The following RBPJ variants were observed in gnomAD, a reference collection of about 807,000 sequenced individuals.
RBPJ encodes recombining binding protein suppressor of hairless.
In RBPJ, 9 loss-of-function variants were observed where a neutral mutation model predicts 67.8. The observed-to-expected ratio is 0.13, with a 90% CI of 0.08 to 0.23. The LOEUF (loss-of-function observed/expected upper bound fraction) is 0.23, where lower values mean the gene tolerates loss of function less well. Among genes scored for constraint, RBPJ ranks in the 10% least tolerant of loss-of-function variants. The probability of loss-of-function intolerance (pLI) is 1.00; values close to 1 mark genes in which losing one functional copy is unlikely to be tolerated. For missense variants in RBPJ, 305 were observed against 595.6 expected (o/e 0.51, Z 5.08); for synonymous variants, 198 against 203.3 (o/e 0.97, Z 0.22).
At chr4:26,410,293 G>C (rs1216213205) in intron 3 of RBPJ, 1 of 161,350 alleles carries the variant, frequency 6.2e-6, no homozygotes, top group African/African-American at 2.4e-5. Context: ...AATAACTCCA[G>C]TGAGTGATGC....
chr4:26,365,470 C>A (rs1728529088), intron 1 of RBPJ, among the ~76,000 whole-genome samples: 1 of 152,160 alleles, frequency 6.6e-6, no homozygotes, highest in African/African-American at 2.4e-5. Context: ...GAAATAAATT[C>A]AGTGGGTTAT....
chr4:26,258,464 G>A (rs959452801), intron 1 of RBPJ, among the ~76,000 whole-genome samples: 1 of 152,176 alleles, frequency 6.6e-6, no homozygotes, highest in Non-Finnish European at 1.5e-5. Flanking sequence ...CCATCTCAAA[G>A]TTTACAGATG....
the RBPJ span, among the ~76,000 whole-genome samples, chr4:26,149,389 G>A: frequency 9.2e-5 from 14 of 152,276 alleles, no homozygotes; most frequent in African/African-American, 3.4e-4. Flanking sequence ...ACTTGGCAAA[G>A]GTTACTATCA....
chr4:26,137,056 G>A, the RBPJ span, among the ~76,000 whole-genome samples: 1 of 152,236 alleles, frequency 6.6e-6, no homozygotes, highest in Non-Finnish European at 1.5e-5. Flanking sequence ...AGTGGAAGAA[G>A]TGCCCCTGCC....
At chr4:26,275,403 T>C (rs1721045454) in intron 1 of RBPJ, among the ~76,000 whole-genome samples, 1 of 152,128 alleles carries the variant, frequency 6.6e-6, no homozygotes, top group African/African-American at 2.4e-5. Context: ...AGGGAGGACC[T>C]AGCATGCTAT....
At chr4:26,159,923 C>CTCT (rs1553843606), upstream of RBPJ, among the ~76,000 whole-genome samples, 141 of 141,268 alleles carry the variant, frequency 1.0e-3, 1 homozygote, top group Middle Eastern at 0.011. Flanking sequence ...CTCTCTCTCT[C>CTCT]TTTTTTTTTT....
intron 1 of RBPJ, among the ~76,000 whole-genome samples, chr4:26,323,685 A>T (rs532128845): frequency 1.6e-4 from 25 of 152,306 alleles, no homozygotes; most frequent in African/African-American, 6.0e-4. Flanking sequence ...TTAAAAAGTT[A>T]TCTGTTGTCC....
chr4:26,232,544 T>G (rs1353443810), intron 1 of RBPJ, among the ~76,000 whole-genome samples: 2 of 152,238 alleles, frequency 1.3e-5, no homozygotes, highest in African/African-American at 4.8e-5. Context: ...TCTGTTTTAT[T>G]AGTTCCAATT....
At chr4:26,287,576 AAGGACAGGAG>A (rs151114979) in intron 1 of RBPJ, among the ~76,000 whole-genome samples, 13,054 of 42,530 alleles carry the variant, frequency 0.31, 2,846 homozygotes, top group African/African-American at 0.47. Context: ...AAGGAAAGGA[AAGGACAGGAG>A]AGGAGAGGGG....
At chr4:26,238,735 G>A (rs749220395) in intron 1 of RBPJ, among the ~76,000 whole-genome samples, 3 of 152,130 alleles carry the variant, frequency 2.0e-5, no homozygotes, top group Non-Finnish European at 4.4e-5. Flanking sequence ...TCATAATTCC[G>A]GAGAGCTTCC....
At chr4:26,402,542 C>T (rs1482237252) in intron 2 of RBPJ, among the ~76,000 whole-genome samples, 1 of 152,150 alleles carries the variant, frequency 6.6e-6, no homozygotes, top group Admixed American at 6.5e-5. Flanking sequence ...TTATGTCCTT[C>T]CCCCAGCTGG....
At chr4:26,247,312 T>G (rs1230904738) in intron 1 of RBPJ, among the ~76,000 whole-genome samples, 2 of 152,206 alleles carry the variant, frequency 1.3e-5, no homozygotes, top group Non-Finnish European at 2.9e-5. Flanking sequence ...GGTATGTGTC[T>G]CCATTTATTC....
chr4:26,296,989 G>A (rs1721895448), intron 1 of RBPJ, among the ~76,000 whole-genome samples: 1 of 152,122 alleles, frequency 6.6e-6, no homozygotes, highest in South Asian at 2.1e-4. Context: ...TTCCAGAAAG[G>A]TCGTGTCATG....
At chr4:26,108,424 G>T in the RBPJ span, among the ~76,000 whole-genome samples, 1 of 152,192 alleles carries the variant, frequency 6.6e-6, no homozygotes. Context: ...GTCAAAGCCT[G>T]GTGGTTAGGA....
rs757127437 is a variant in RBPJ at position 26,270,437 on chromosome 4, G to GAAAGAAAGA, written c.-166-92007_-166-92006insAGAAAGAAA. The stretch of plus-strand genomic sequence containing the variant: ...AGAAAGAAAGAAAGAAAGAAAGAAA[G>GAAAGAAAGA]AAGAAAGAAAGAAAGAAAGAAAAGA... On this transcript the variant is annotated intron_variant, in intron 1 of 4. Transcript: ENST00000512351. 1.8e-3 allele frequency among the ~76,000 whole-genome samples: 55 copies of GAAAGAAAGA among 30,246 alleles called. 11 individuals are homozygous for GAAAGAAAGA. The highest frequency in any genetic ancestry group is 0.012 in the Admixed American group (23 of 1,896). 19.8% of individuals were successfully genotyped at this position (30,246 alleles called of 152,430 possible). A position where few individuals can be genotyped will look rare whatever the true frequency, so the allele number is the denominator to read the frequency against.
At position 26,434,443 on chromosome 4, in the gene RBPJ, A is replaced by G. The variant is rs894231643; in HGVS notation, c.*3436A>G. The stretch of plus-strand genomic sequence containing the variant: ...TTAGTAACCAAGTTACTTTGATTGC[A>G]AAAGCAGCTGTGTTTCTGATAAGTA... On this transcript the variant is annotated 3_prime_UTR_variant, in exon 11 of 11. Transcript: ENST00000355476. 1 of 151,988 alleles carries G rather than the reference A, an allele frequency of 6.6e-6. No homozygotes were observed. The highest frequency in any genetic ancestry group is 1.9e-4 in the East Asian group (1 of 5,202). The allele number at this position is 151,988 out of a possible 1,614,324, so 9.4% of individuals were successfully genotyped here.
intron 4 of RBPJ, among the ~76,000 whole-genome samples, chr4:26,416,978 A>G (rs114363225): frequency 0.015 from 2,217 of 152,350 alleles, 39 homozygotes; most frequent in Middle Eastern, 0.044. Flanking sequence ...TTAAACCACT[A>G]AAACTATTTC....
At chr4:26,401,887 CTTT>C (rs58935903) in intron 2 of RBPJ, among the ~76,000 whole-genome samples, 4 of 129,710 alleles carry the variant, frequency 3.1e-5, no homozygotes, top group Non-Finnish European at 3.3e-5. Context: ...TTCTTTCTTT[CTTT>C]TTTTTTTTTT....
chr4:26,266,148 G>A (rs573618699), intron 1 of RBPJ, among the ~76,000 whole-genome samples: 14 of 152,124 alleles, frequency 9.2e-5, no homozygotes, highest in Non-Finnish European at 1.6e-4. Context: ...CTTTTTCCCT[G>A]GCAGACTGTC....
Sources: allele counts gnomAD v4.1 joint callset (sites outside exome capture counted in the v4.1 genomes callset), GRCh38; gene constraint gnomAD v4.1.1; transcripts MANE v1.5; gene names NCBI Gene and HGNC (gene_info 2026-07-23, HGNC 2026-07-21).